Variants in AVEN observed in about 807,000 individuals in gnomAD.
The protein encoded by AVEN is apoptosis and caspase activation inhibitor.
In AVEN, 41 loss-of-function variants were observed where a neutral mutation model predicts 38.1. The observed-to-expected ratio is 1.08, with a 90% confidence interval of 0.84 to 1.40. The LOEUF is 1.40. AVEN is among the 40% of genes most tolerant of loss of function. The pLI is 0.00. For missense variants in AVEN, 605 were observed against 438.8 expected, an observed-to-expected ratio of 1.38 and a Z score of -3.38; for synonymous variants, 206 against 171.8, an observed-to-expected ratio of 1.20 and a Z score of -1.56.
At position 33,909,980 on chromosome 15, in the gene AVEN, T is replaced by G. The variant is rs1597220580; in HGVS notation, c.446-33985A>C. Among the ~76,000 whole-genome samples, 3 of 151,354 alleles carry G rather than the reference T, an allele frequency of 2.0e-5. No homozygotes were observed. In the East Asian group the frequency reaches 5.8e-4, roughly 29 times the overall value. ...TACACAAAATACAAATACAAAAAATTAGCTGGGCTTGGTGGTGGACACCTG... is the reference window on the plus strand; with the variant it reads ...TACACAAAATACAAATACAAAAAATGAGCTGGGCTTGGTGGTGGACACCTG... On this transcript the variant is annotated intron_variant, in intron 2 of 5. Coordinates refer to ENST00000306730, the MANE Select transcript of AVEN (RefSeq NM_020371.3).
chr15:34,029,605 A>G (rs1451793195), intron 1 of AVEN, among the ~76,000 whole-genome samples: 1 of 152,200 alleles, frequency 6.6e-6, no homozygotes, highest in African/African-American at 2.4e-5. Flanking sequence ...TACTGACTTT[A>G]AAAAGAAAAG....
intron 2 of AVEN, among the ~76,000 whole-genome samples, chr15:33,992,466 G>A (rs1040947968): frequency 6.6e-6 from 1 of 152,106 alleles, no homozygotes; most frequent in Non-Finnish European, 1.5e-5. Context: ...TTTTGTTATC[G>A]GAGTTTTCCT....
chr15:34,022,669 A>G (rs1467041566), intron 1 of AVEN, among the ~76,000 whole-genome samples: 6 of 152,224 alleles, frequency 3.9e-5, no homozygotes, highest in South Asian at 2.1e-4. Context: ...CACCTTTTGC[A>G]TAAGTATGAG....
At chr15:33,881,213 C>T (rs1167577080) in intron 2 of AVEN, among the ~76,000 whole-genome samples, 1 of 151,208 alleles carries the variant, frequency 6.6e-6, no homozygotes, top group East Asian at 1.9e-4. Flanking sequence ...TCTCAGCCTC[C>T]CAAGTTTCTG....
intron 5 of AVEN, among the ~76,000 whole-genome samples, chr15:34,050,320 C>A (rs1216036878): frequency 6.6e-6 from 1 of 152,176 alleles, no homozygotes; most frequent in East Asian, 1.9e-4. Flanking sequence ...ATTGGGCCTG[C>A]CTTGCAAGAG....
At chr15:34,005,451 T>A (rs1897302589) in intron 1 of AVEN, among the ~76,000 whole-genome samples, 1 of 152,192 alleles carries the variant, frequency 6.6e-6, no homozygotes, top group Non-Finnish European at 1.5e-5. Flanking sequence ...ATCTCCAATA[T>A]TATCTATAAA....
chr15:33,909,357 C>T (rs1332859969), intron 2 of AVEN, among the ~76,000 whole-genome samples: 3 of 152,182 alleles, frequency 2.0e-5, no homozygotes, highest in Non-Finnish European at 4.4e-5. Context: ...CCTAAGAGTT[C>T]TCATGGGAAT....
At chr15:33,916,350 G>C (rs1893135754) in intron 2 of AVEN, among the ~76,000 whole-genome samples, 1 of 152,270 alleles carries the variant, frequency 6.6e-6, no homozygotes, top group East Asian at 1.9e-4. Flanking sequence ...TCACATAACA[G>C]GACTCTGTGC....
chr15:33,911,317 A>C (rs1567409631), intron 2 of AVEN, among the ~76,000 whole-genome samples: 1 of 152,218 alleles, frequency 6.6e-6, no homozygotes, highest in African/African-American at 2.4e-5. Flanking sequence ...ACAAAGGAGA[A>C]AGATATCCAG....
chr15:33,888,322 G>A (rs1891787150), intron 2 of AVEN, among the ~76,000 whole-genome samples: 1 of 151,902 alleles, frequency 6.6e-6, no homozygotes, highest in South Asian at 2.1e-4. Flanking sequence ...TGTGTGGCAG[G>A]GGGAAGGGGG....
At chr15:34,073,133 C>T (rs1408242260) in intron 1 of AVEN, among the ~76,000 whole-genome samples, 3 of 151,376 alleles carry the variant, frequency 2.0e-5, no homozygotes, top group East Asian at 2.0e-4. Flanking sequence ...CTCCACCTCC[C>T]GGGTTCACGC....
upstream of AVEN, among the ~76,000 whole-genome samples, chr15:34,040,779 A>C (rs898192278): frequency 1.2e-4 from 18 of 152,024 alleles, no homozygotes; most frequent in Admixed American, 1.2e-3. Context: ...TTAGCTGGGC[A>C]TGGTGGTATA....
the AVEN span, chr15:33,851,786 G>A: frequency 8.9e-4 from 135 of 152,262 alleles, no homozygotes; most frequent in African/African-American, 3.1e-3. Context: ...AGGTATCAGT[G>A]TGGCAGAGAG....
intron 2 of AVEN, among the ~76,000 whole-genome samples, chr15:33,915,380 AC>A (rs1347801247): frequency 6.6e-6 from 1 of 152,132 alleles, no homozygotes; most frequent in East Asian, 1.9e-4. Flanking sequence ...GGGATCATCC[AC>A]CCCCAAGCAC....
rs185630290 is a variant in AVEN at position 33,963,246 on chromosome 15, G to T, written c.445+39786C>A. On this transcript the variant is annotated intron_variant, in intron 2 of 5. Coordinates refer to ENST00000306730, the MANE Select transcript of AVEN (RefSeq NM_020371.3). ...GCACTGTGCTAGGTGCTTTGCATGGGTTAATCAGAATATGTCCCTAAGACT... is the reference window on the plus strand; with the variant it reads ...GCACTGTGCTAGGTGCTTTGCATGGTTTAATCAGAATATGTCCCTAAGACT... 1.2e-3 allele frequency among the ~76,000 whole-genome samples: 188 copies of T among 152,272 alleles called. 1 individual carries two copies. Among genetic ancestry groups the T allele is most frequent in the African/African-American group, 4.3e-3 (179 of 41,546 alleles).
At chr15:33,917,645 CTA>C (rs1893203348) in intron 2 of AVEN, among the ~76,000 whole-genome samples, 1 of 151,630 alleles carries the variant, frequency 6.6e-6, no homozygotes, top group African/African-American at 2.4e-5. Context: ...CCATGGAATA[CTA>C]CTCAGCCATA....
chr15:33,894,894 C>T (rs1327856192), intron 2 of AVEN, among the ~76,000 whole-genome samples: 1 of 150,012 alleles, frequency 6.7e-6, no homozygotes, highest in East Asian at 2.0e-4. Flanking sequence ...TGTTTCCACA[C>T]AACTTTTTCC....
intron 2 of AVEN, among the ~76,000 whole-genome samples, chr15:33,913,564 C>T (rs1404441046): frequency 6.6e-6 from 1 of 152,140 alleles, no homozygotes; most frequent in African/African-American, 2.4e-5. Flanking sequence ...AGCATCCGGG[C>T]TGAGTGTAGC....
intron 1 of AVEN, among the ~76,000 whole-genome samples, chr15:34,011,898 T>C (rs1897654563): frequency 6.6e-6 from 1 of 152,330 alleles, no homozygotes; most frequent in African/African-American, 2.4e-5. Flanking sequence ...AAGGATAATT[T>C]GGGAAATTAG....
Sources: gnomAD v4.1 joint callset for allele counts (sites outside exome capture counted in the v4.1 genomes callset) on GRCh38, gnomAD v4.1.1 for gene constraint, MANE v1.5 for transcripts, NCBI Gene and HGNC (gene_info 2026-07-23, HGNC 2026-07-21) for gene names.